Variants in FSIP1 observed in about 807,000 individuals in gnomAD.
FSIP1 encodes fibrous sheath-interacting protein 1.
Under a neutral mutation model 60.9 loss-of-function variants are expected in FSIP1, and 65 were observed. That is an observed-to-expected ratio of 1.07 (90% CI 0.87 to 1.31). The LOEUF is 1.31. FSIP1 is among the 40% of genes most tolerant of loss of function. The pLI is 0.00. For missense variants in FSIP1, 675 were observed against 665.5 expected, an observed-to-expected ratio of 1.01 and a Z score of -0.16; for synonymous variants, 209 against 221.2, an observed-to-expected ratio of 0.94 and a Z score of 0.49.
At chr15:39,773,255 A>T (rs751494006) in intron 2 of FSIP1, among the ~76,000 whole-genome samples, 7 of 152,244 alleles carry the variant, frequency 4.6e-5, no homozygotes, top group Non-Finnish European at 1.0e-4. Context: ...GGTTTTCTAG[A>T]TGCTGAATGA....
chr15:39,763,891 C>T lies in FSIP1; in HGVS notation c.489G>A (p.Trp163Ter). The T allele has an allele frequency of 6.3e-7, 1 of 1,591,586 alleles. No individual in the cohort carries two copies. Among genetic ancestry groups the T allele is most frequent in the Non-Finnish European group, 8.6e-7 (1 of 1,160,648 alleles). Residue 163 changes from tryptophan (W) to a stop codon, truncating the protein, a stop_gained, in exon 5 of 12, where the codon TGG (tryptophan) becomes TGA (stop). Coordinates refer to ENST00000350221, the MANE Select transcript of FSIP1 (RefSeq NM_152597.5). LOFTEE classifies it high-confidence loss of function. ...EIKSAKYSEA[W>*]QSKEEMENTK... ...TATTTTCCATCTCCTCTTTACTTTG[C>T]CAAGCTTCACTATATTTTGCAGACT...
At chr15:39,753,317 C>T (rs1451707558) in intron 5 of FSIP1, among the ~76,000 whole-genome samples, 1 of 152,002 alleles carries the variant, frequency 6.6e-6, no homozygotes. Context: ...AGCAGCCATC[C>T]CCATTCATTT....
intron 5 of FSIP1, among the ~76,000 whole-genome samples, chr15:39,761,277 C>T (rs2140696933): frequency 6.6e-6 from 1 of 152,326 alleles, no homozygotes; most frequent in South Asian, 2.1e-4. Flanking sequence ...CTCTCCCATG[C>T]TCACTGCAGC....
intron 5 of FSIP1, among the ~76,000 whole-genome samples, chr15:39,762,415 T>C (rs1897532393): frequency 6.6e-6 from 1 of 152,220 alleles, no homozygotes; most frequent in African/African-American, 2.4e-5. Context: ...CTCTCCTCTT[T>C]TTTAAAGGCC....
intron 10 of FSIP1, among the ~76,000 whole-genome samples, chr15:39,686,887 G>A (rs1471371568): frequency 6.6e-6 from 1 of 152,140 alleles, no homozygotes; most frequent in African/African-American, 2.4e-5. Context: ...TTTGTTGTTG[G>A]CAGGAGAATG....
Position 39,632,750 on chromosome 15 carries a change from C to A in FSIP1, c.1189-14505G>T, listed in dbSNP as rs559733604. On this transcript the variant is annotated intron_variant, in intron 10 of 11. Transcript: ENST00000350221. The stretch of plus-strand genomic sequence containing the variant: ...AGAGGTTGCAGTGAGCCGAGATCGG[C>A]CACTGCACTCCAACCTGGTGACAGA... 8.3e-4 allele frequency among the ~76,000 whole-genome samples: 126 copies of A among 152,034 alleles called. 1 individual carries two copies. In the South Asian group the frequency reaches 0.025, roughly 30 times the overall value.
At chr15:39,703,107 C>T (rs924470795) in intron 10 of FSIP1, among the ~76,000 whole-genome samples, 2 of 151,866 alleles carry the variant, frequency 1.3e-5, no homozygotes, top group Admixed American at 6.5e-5. Context: ...CTCACCCTCC[C>T]GAATAACTGG....
chr15:39,617,944 A>C lies in FSIP1; in HGVS notation c.1490T>G (p.Leu497Arg). Reference sequence around the variant, plus strand: ...TTTCATATTCTCTGCTTCAGTGACAAGAGCTTCTGACATGTTATGTCCAGT... The same window carrying C: ...TTTCATATTCTCTGCTTCAGTGACACGAGCTTCTGACATGTTATGTCCAGT... ...ALTGHNMSEA[L>R]VTEAENMKCL... The change falls in exon 11 of 12, where the codon CTT becomes CGT. Residue 497 changes from leucine to arginine, a missense_variant. Transcript: ENST00000350221. 6.2e-7 allele frequency: 1 copy of C among 1,614,200 alleles called. No homozygotes were observed. The highest frequency in any genetic ancestry group is 8.5e-7 in the Non-Finnish European group (1 of 1,180,020).
chr15:39,668,518 G>A (rs1292953942), intron 10 of FSIP1, among the ~76,000 whole-genome samples: 1 of 152,032 alleles, frequency 6.6e-6, no homozygotes, highest in African/African-American at 2.4e-5. Context: ...ACTTCTTTTG[G>A]GTATTTAAGA....
intron 10 of FSIP1, among the ~76,000 whole-genome samples, chr15:39,637,112 T>G (rs530740087): frequency 1.3e-5 from 2 of 152,316 alleles, no homozygotes; most frequent in African/African-American, 2.4e-5. Flanking sequence ...GGTGTCAGTC[T>G]TATCCCTTAT....
intron 11 of FSIP1, among the ~76,000 whole-genome samples, chr15:39,615,171 A>G (rs547286362): frequency 6.6e-6 from 1 of 152,344 alleles, no homozygotes; most frequent in African/African-American, 2.4e-5. Flanking sequence ...AACTACTAGA[A>G]TAAAACAGGG....
intron 10 of FSIP1, among the ~76,000 whole-genome samples, chr15:39,689,677 C>T (rs1165873040): frequency 6.6e-6 from 1 of 152,164 alleles, no homozygotes; most frequent in African/African-American, 2.4e-5. Flanking sequence ...GAACTGGGGA[C>T]AAAGACTAAA....
intron 10 of FSIP1, among the ~76,000 whole-genome samples, chr15:39,708,836 C>A (rs984435786): frequency 1.3e-5 from 2 of 152,212 alleles, no homozygotes; most frequent in Admixed American, 6.5e-5. Flanking sequence ...CTACTTCCAG[C>A]ACCCAAGGCT....
At chr15:39,730,066 C>T (rs999488901) in intron 8 of FSIP1, among the ~76,000 whole-genome samples, 3 of 149,112 alleles carry the variant, frequency 2.0e-5, no homozygotes, top group Non-Finnish European at 4.5e-5. Flanking sequence ...TTAAAATAAA[C>T]AACTTAAAAA....
In FSIP1 at chr15:39,632,388, A is replaced by C. The variant is rs1159709967; in HGVS notation, c.1189-14143T>G. 3.3e-5 allele frequency among the ~76,000 whole-genome samples: 5 copies of C among 152,166 alleles called. No homozygotes were observed. The East Asian group carries it at 9.7e-4, about 30-fold the overall frequency. ...AGATGAGGTTTTGCCATGTTGCCCA[A>C]GCTGGTCTTGAACTCCTGAGCTCAA... On this transcript the variant is annotated intron_variant, in intron 10 of 11. Transcript: ENST00000350221.
chr15:39,621,237 G>T (rs1891432109), intron 10 of FSIP1, among the ~76,000 whole-genome samples: 1 of 152,144 alleles, frequency 6.6e-6, no homozygotes. Flanking sequence ...AATGTTTGCT[G>T]ATTGCAACCT....
chr15:39,758,514 G>T (rs1479008668), intron 5 of FSIP1, among the ~76,000 whole-genome samples: 3 of 151,944 alleles, frequency 2.0e-5, no homozygotes, highest in African/African-American at 7.3e-5. Context: ...TTTTTTGAGG[G>T]GGGGGAATAA....
At chr15:39,655,074 A>G (rs1248633014) in intron 10 of FSIP1, among the ~76,000 whole-genome samples, 1 of 152,252 alleles carries the variant, frequency 6.6e-6, no homozygotes, top group Admixed American at 6.5e-5. Flanking sequence ...TTATTAGGGT[A>G]TGGAAGTTGA....
At chr15:39,687,137 C>CTT (rs386382788) in intron 10 of FSIP1, among the ~76,000 whole-genome samples, 20 of 115,446 alleles carry the variant, frequency 1.7e-4, no homozygotes, top group Middle Eastern at 5.2e-3. Flanking sequence ...TTTTCTTTTC[C>CTT]TTTTTTTTTT....
Sources: gnomAD v4.1 joint callset for allele counts (sites outside exome capture counted in the v4.1 genomes callset) on GRCh38, gnomAD v4.1.1 for gene constraint, MANE v1.5 for transcripts, NCBI Gene and HGNC (gene_info 2026-07-23, HGNC 2026-07-21) for gene names.